Variants in PLAGL1 observed in about 807,000 individuals in gnomAD.
PLAGL1 encodes the protein PLAG1 like zinc finger 1.
Under a neutral mutation model 4.6 loss-of-function variants are expected in PLAGL1, and 1 was observed. The ratio of observed to expected loss-of-function variants is 0.22; its 90% confidence interval spans 0.08 to 1.03. The LOEUF (loss-of-function observed/expected upper bound fraction) is 1.03. Among genes scored for constraint, PLAGL1 ranks in the 50% least tolerant of loss-of-function variants. The pLI, the probability that PLAGL1 is intolerant of heterozygous loss-of-function variation, is 0.58. For missense variants in PLAGL1, 464 were observed against 570.4 expected, an observed-to-expected ratio of 0.81 and a Z score of 1.90; for synonymous variants, 240 against 237.8, an observed-to-expected ratio of 1.01 and a Z score of -0.08.
intron 7 of PLAGL1, among the ~76,000 whole-genome samples, chr6:143,943,239 C>A: frequency 6.6e-6 from 1 of 151,686 alleles, no homozygotes; most frequent in African/African-American, 2.4e-5. Context: ...CTTAAAAATA[C>A]CTGACCATGA....
Position 143,985,800 on chromosome 6 carries a change from ATGT to A in PLAGL1, c.-583-629_-583-627del, listed in dbSNP as rs979913869. On this transcript the variant is annotated intron_variant, in intron 1 of 7. Coordinates refer to ENST00000674357, the MANE Select transcript of PLAGL1 (RefSeq NM_001317162.2). The surrounding 1 kb of genome is among the most constrained non-coding windows in gnomAD (Gnocchi z 4.4). ...AACGCAAAAAGTAAGGGAGTCAGAA[ATGT>A]TGTCTGCACTCACAGATTCCATATT... Among the ~76,000 whole-genome samples the A allele has an allele frequency of 6.6e-6, 1 of 151,460 alleles. No individual in the cohort carries two copies. Among genetic ancestry groups the A allele is most frequent in the African/African-American group, 2.4e-5 (1 of 41,248 alleles).
rs1336334939 is a variant in PLAGL1, at chr6:143,997,359, G to C, written c.-584+10731C>G. Reference sequence around the variant, plus strand: ...GTATTCACAGCAGGTCTATTTGTAAGAACCCAAACTAGAACACACCCACAT... The same window carrying C: ...GTATTCACAGCAGGTCTATTTGTAACAACCCAAACTAGAACACACCCACAT... On this transcript the variant is annotated intron_variant, in intron 1 of 7. Coordinates refer to ENST00000674357, the MANE Select transcript of PLAGL1 (RefSeq NM_001317162.2). This position sits in a 1 kb window ranked among gnomAD's most constrained non-coding sequence, Gnocchi z 4.6. 2.0e-5 allele frequency among the ~76,000 whole-genome samples: 3 copies of C among 152,110 alleles called. No individual in the cohort carries two copies. Among genetic ancestry groups the C allele is most frequent in the Non-Finnish European group, 4.4e-5 (3 of 68,020 alleles).
At position 144,061,117 on chromosome 6, in the gene PLAGL1, G is replaced by A. The variant is rs1388683332; in HGVS notation, c.-151+3351C>T. ...GGAAAGGTACTGGGTGACAGTGTGAGTAGAAGAGTTGTAACAGACATGCAT... is the reference window on the plus strand; with the variant it reads ...GGAAAGGTACTGGGTGACAGTGTGAATAGAAGAGTTGTAACAGACATGCAT... On this transcript the variant is annotated intron_variant, in intron 1 of 3. Transcript: ENST00000437412. The surrounding 1 kb of genome is among the most constrained non-coding windows in gnomAD (Gnocchi z 4.4). Among the ~76,000 whole-genome samples the A allele has an allele frequency of 6.6e-6, 1 of 152,246 alleles. No individual in the cohort carries two copies. The highest frequency in any genetic ancestry group is 1.5e-5 in the Non-Finnish European group (1 of 68,042).
rs1780605819 is a variant in PLAGL1, at chr6:143,949,681, G to A, written c.-324-1221C>T. 2.0e-5 allele frequency among the ~76,000 whole-genome samples: 3 copies of A among 152,196 alleles called. No individual in the cohort carries two copies. The South Asian group carries it at 6.2e-4, about 31-fold the overall frequency. ...AATTAAGAGTACTGTATGCTTAGGT[G>A]AAGTACACTTGAGTAGCTTTTGTCC... On this transcript the variant is annotated intron_variant, in intron 6 of 7. Coordinates refer to ENST00000674357, the MANE Select transcript of PLAGL1 (RefSeq NM_001317162.2). The surrounding 1 kb of genome is among the most constrained non-coding windows in gnomAD (Gnocchi z 5.3).
chr6:143,947,816 C>CT lies in PLAGL1; in HGVS notation c.152+168_152+169insA, dbSNP rs1780104686. On this transcript the variant is annotated intron_variant, in intron 7 of 7. Coordinates refer to ENST00000674357, the MANE Select transcript of PLAGL1 (RefSeq NM_001317162.2). This position sits in a 1 kb window ranked among gnomAD's most constrained non-coding sequence, Gnocchi z 4.3. ...AATGAACTGACACTGCACAACAAGACGGTCACATAAAACCACAGGAATCAC... is the reference window on the plus strand; with the variant it reads ...AATGAACTGACACTGCACAACAAGACTGGTCACATAAAACCACAGGAATCAC... Among the ~76,000 whole-genome samples the CT allele has an allele frequency of 1.3e-5, 2 of 152,342 alleles. No individual in the cohort carries two copies. The highest frequency in any genetic ancestry group is 3.4e-3 in the Middle Eastern group (1 of 294).
chr6:143,976,501 G>A (rs1786586281), intron 2 of PLAGL1, among the ~76,000 whole-genome samples: 1 of 151,912 alleles, frequency 6.6e-6, no homozygotes. Context: ...CTACAGTTCT[G>A]TGACTTTTAA....
chr6:143,972,228 GAT>G lies in PLAGL1; in HGVS notation c.-543-3252_-543-3251del, dbSNP rs1785553903. The stretch of plus-strand genomic sequence containing the variant: ...GAGCCAAGAGCTCTGCTAGGCTTGA[GAT>G]ATAAAAATGAATACAACACAGCTGC... On this transcript the variant is annotated intron_variant, in intron 2 of 7. Transcript: ENST00000674357. The surrounding 1 kb of genome is among the most constrained non-coding windows in gnomAD (Gnocchi z 6.8). Among the ~76,000 whole-genome samples, 2 of 152,192 alleles carry G rather than the reference GAT, an allele frequency of 1.3e-5. No individual in the cohort carries two copies.
intron 1 of PLAGL1, among the ~76,000 whole-genome samples, chr6:144,054,520 T>C (rs1246936625): frequency 1.3e-5 from 2 of 152,194 alleles, no homozygotes; most frequent in Non-Finnish European, 2.9e-5. Flanking sequence ...AAACTGCACG[T>C]TCTCACTTGT....
chr6:144,061,381 AAACAAAGTGAGGTAAG>A lies in PLAGL1; in HGVS notation c.-151+3071_-151+3086del, dbSNP rs1019394525. On this transcript the variant is annotated intron_variant, in intron 1 of 3. Transcript: ENST00000437412. The surrounding 1 kb of genome is among the most constrained non-coding windows in gnomAD (Gnocchi z 4.4). ...CAACCTACCAAGTTCCACCAGGATC[AAACAAAGTGAGGTAAG>A]AACAAGAGAGCAGCCACTCCTGAAT... Among the ~76,000 whole-genome samples the A allele has an allele frequency of 6.6e-6, 1 of 152,246 alleles. No homozygotes were observed. Among genetic ancestry groups the A allele is most frequent in the Non-Finnish European group, 1.5e-5 (1 of 68,050 alleles).
intron 1 of PLAGL1, among the ~76,000 whole-genome samples, chr6:144,052,823 C>A (rs903168707): frequency 2.0e-5 from 3 of 152,098 alleles, no homozygotes; most frequent in Admixed American, 6.5e-5. Flanking sequence ...AAAAGAAATT[C>A]TATCAACAAT....
chr6:143,999,663 T>C (rs1263597119), intron 1 of PLAGL1, among the ~76,000 whole-genome samples: 2 of 152,166 alleles, frequency 1.3e-5, no homozygotes, highest in Non-Finnish European at 2.9e-5. Context: ...TTCTTTGCTA[T>C]AGCAAAAGAA....
chr6:143,998,681 A>G (rs1792196592), intron 1 of PLAGL1, among the ~76,000 whole-genome samples: 1 of 152,206 alleles, frequency 6.6e-6, no homozygotes, highest in Admixed American at 6.5e-5. Flanking sequence ...AGGGCTATAG[A>G]TTATAAATTA....
rs184954207 is a variant in PLAGL1, at chr6:143,994,910, C to G, written c.-583-9736G>C. Among the ~76,000 whole-genome samples, 2 of 152,088 alleles carry G rather than the reference C, an allele frequency of 1.3e-5. No individual in the cohort carries two copies. Among genetic ancestry groups the G allele is most frequent in the Non-Finnish European group, 2.9e-5 (2 of 68,004 alleles). On this transcript the variant is annotated intron_variant, in intron 1 of 7. Transcript: ENST00000674357. This position sits in a 1 kb window ranked among gnomAD's most constrained non-coding sequence, Gnocchi z 4.3. ...ATTAATTTCAGATTTTCTGAACTCA[C>G]GGAGGTAATTGGACTATGTCACATC...
intron 1 of PLAGL1, among the ~76,000 whole-genome samples, chr6:144,023,122 G>A (rs1333791639): frequency 6.6e-6 from 1 of 152,156 alleles, no homozygotes; most frequent in Non-Finnish European, 1.5e-5. Context: ...TAAGAAAAAG[G>A]AGCAAGTTTG....
intron 1 of PLAGL1, among the ~76,000 whole-genome samples, chr6:143,998,591 T>C (rs1368920273): frequency 2.0e-5 from 3 of 152,190 alleles, no homozygotes; most frequent in Non-Finnish European, 4.4e-5. Context: ...TGTCAGCCAC[T>C]TGAACCCTAT....
At chr6:144,013,325 A>G (rs1795321600), upstream of PLAGL1, among the ~76,000 whole-genome samples, 1 of 152,222 alleles carries the variant, frequency 6.6e-6, no homozygotes, top group Non-Finnish European at 1.5e-5. The surrounding 1 kb of genome is among the most constrained non-coding windows in gnomAD (Gnocchi z 4.4). Context: ...TGGGCAGACA[A>G]TCATACAGAT....
rs1190635430 is a variant in PLAGL1, at chr6:143,963,597, C to CA, written c.-399+1189dup. Among the ~76,000 whole-genome samples the CA allele has an allele frequency of 1.3e-5, 2 of 152,226 alleles. No individual in the cohort carries two copies. Among genetic ancestry groups the CA allele is most frequent in the East Asian group, 3.9e-4 (2 of 5,194 alleles). ...TTATGCTGATTTGCCCATGATCCTACAGCCAGCAAGCAGTTAAGCTTGCTG... is the reference window on the plus strand; with the variant it reads ...TTATGCTGATTTGCCCATGATCCTACAAGCCAGCAAGCAGTTAAGCTTGCTG... On this transcript the variant is annotated intron_variant, in intron 5 of 7. Coordinates refer to ENST00000674357, the MANE Select transcript of PLAGL1 (RefSeq NM_001317162.2). This position sits in a 1 kb window ranked among gnomAD's most constrained non-coding sequence, Gnocchi z 6.1.
rs1023187883 is a variant in PLAGL1 at position 144,006,709 on chromosome 6, G to A, written c.-584+1381C>T. 7.2e-5 allele frequency: 11 copies of A among 152,074 alleles called. No homozygotes were observed. The highest frequency in any genetic ancestry group is 2.7e-4 in the African/African-American group (11 of 41,386). 9.4% of individuals were successfully genotyped at this position (152,074 alleles called of 1,614,324 possible). ...TTCTCCTTCAGGTAGGCATGAAGGC[G>A]GCATCCAGTTTTCTGCCATTACAGT... On this transcript the variant is annotated intron_variant, in intron 1 of 7. Transcript: ENST00000674357. The surrounding 1 kb of genome is among the most constrained non-coding windows in gnomAD (Gnocchi z 4.3).
chr6:144,035,920 C>T (rs564354748), intron 1 of PLAGL1, among the ~76,000 whole-genome samples: 5 of 152,216 alleles, frequency 3.3e-5, no homozygotes, highest in East Asian at 3.9e-4. Context: ...GGCAAAGAAA[C>T]GCAGTTCAGG....
Sources: gnomAD v4.1 joint callset for allele counts (sites outside exome capture counted in the v4.1 genomes callset) on GRCh38, gnomAD v4.1.1 for gene constraint, Gnocchi (gnomAD v3.1) non-coding constraint, MANE v1.5 for transcripts, NCBI Gene and HGNC (gene_info 2026-07-23, HGNC 2026-07-21) for gene names.